The following RABEP1 variants were observed in gnomAD, a reference collection of about 807,000 sequenced individuals.
The protein encoded by RABEP1 is rabaptin, RAB GTPase binding effector protein 1.
Under a neutral mutation model 123.4 loss-of-function variants are expected in RABEP1, and 51 were observed. That is an observed-to-expected ratio of 0.41 (90% CI 0.33 to 0.52). The LOEUF (loss-of-function observed/expected upper bound fraction) is 0.52. RABEP1 is among the 20% of genes least tolerant of loss of function. The probability of loss-of-function intolerance (pLI) is 0.16; values close to 1 mark genes in which losing one functional copy is unlikely to be tolerated. For missense variants in RABEP1, 888 were observed against 996.3 expected (o/e 0.89, Z 1.46); for synonymous variants, 347 against 355.2 (o/e 0.98, Z 0.26).
chr17:5,318,865 G>A (rs1230079557), intron 2 of RABEP1, among the ~76,000 whole-genome samples: 2 of 152,132 alleles, frequency 1.3e-5, no homozygotes, highest in Non-Finnish European at 1.5e-5. Flanking sequence ...CTGCAGCCAC[G>A]TGGCATTTGT....
chr17:5,317,825 C>T (rs1459589658), intron 2 of RABEP1, among the ~76,000 whole-genome samples: 1 of 152,110 alleles, frequency 6.6e-6, no homozygotes, highest in East Asian at 1.9e-4. Context: ...CCCTACCTCC[C>T]AACCTCCAGG....
intron 2 of RABEP1, among the ~76,000 whole-genome samples, chr17:5,329,934 T>G (rs2144593428): frequency 6.6e-6 from 1 of 152,020 alleles, no homozygotes; most frequent in East Asian, 1.9e-4. Context: ...GGTATTTGTT[T>G]ACAGTTTTTC....
In RABEP1 at chr17:5,308,830, C is replaced by G. The variant is rs756959346; in HGVS notation, c.163+8C>G. On this transcript the variant is annotated splice_region_variant and intron_variant, in intron 2 of 17. Transcript: ENST00000537505. ...TATATTTGGCTAAAGAGGGTAAGTT[C>G]ATAAGTCTCGCACCAACTTCAATGC... 1 of 1,601,390 alleles carries G rather than the reference C, an allele frequency of 6.2e-7. No individual in the cohort carries two copies. Among genetic ancestry groups the G allele is most frequent in the African/African-American group, 1.3e-5 (1 of 74,412 alleles).
chr17:5,381,632 C>A (rs1360607218), intron 17 of RABEP1, 127 bp downstream of exon 17: 2 of 1,415,346 alleles, frequency 1.4e-6, no homozygotes, highest in Non-Finnish European at 1.9e-6. Flanking sequence ...ACCTCCACCC[C>A]AAATGTCTGA....
intron 1 of RABEP1, among the ~76,000 whole-genome samples, chr17:5,290,260 T>A (rs2075020400): frequency 1.3e-5 from 2 of 152,284 alleles, no homozygotes; most frequent in South Asian, 4.1e-4. Flanking sequence ...GCTAATTTTT[T>A]TGTATTTTTA....
chr17:5,386,122 A>AATT lies in RABEP1; in HGVS notation c.*2901_*2903dup, dbSNP rs1911940438. The AATT allele has an allele frequency of 9.8e-7, 1 of 1,018,924 alleles. No individual in the cohort carries two copies. Among genetic ancestry groups the AATT allele is most frequent in the African/African-American group, 1.6e-5 (1 of 60,668 alleles). The allele number at this position is 1,018,924 out of a possible 1,614,324, so 63.1% of individuals were successfully genotyped here. A position where few individuals can be genotyped will look rare whatever the true frequency, so the allele number is the denominator to read the frequency against. On this transcript the variant is annotated 3_prime_UTR_variant, in exon 18 of 18. Coordinates refer to ENST00000537505, the MANE Select transcript of RABEP1 (RefSeq NM_004703.6). ...AAGGTCATCAAAACACCTTTTTATA[A>AATT]ATTAGATAATTCTACCTGTTTTACA...
rs1383424981 is a variant in RABEP1 at position 5,365,258 on chromosome 17, C to G, written c.1785+20C>G. The G allele has an allele frequency of 3.3e-6, 5 of 1,505,410 alleles. No homozygotes were observed. The East Asian group carries it at 1.2e-4, about 35-fold the overall frequency. 93.3% of individuals were successfully genotyped at this position (1,505,410 alleles called of 1,614,324 possible). Reference sequence around the variant, plus strand: ...CACCAGGTAAGGGAGGGTTTATAGACTGTGGCCCATGAGGGATGACTGGGT... The same window carrying G: ...CACCAGGTAAGGGAGGGTTTATAGAGTGTGGCCCATGAGGGATGACTGGGT... On this transcript the variant is annotated intron_variant, in intron 11 of 17. Coordinates refer to ENST00000537505, the MANE Select transcript of RABEP1 (RefSeq NM_004703.6).
chr17:5,327,664 A>G (rs2144586550), intron 2 of RABEP1, among the ~76,000 whole-genome samples: 1 of 152,288 alleles, frequency 6.6e-6, no homozygotes, highest in South Asian at 2.1e-4. Flanking sequence ...ATTTTATAAT[A>G]ATTTTTGGTA....
At chr17:5,291,788 A>C (rs1177989196) in intron 1 of RABEP1, among the ~76,000 whole-genome samples, 1 of 152,168 alleles carries the variant, frequency 6.6e-6, no homozygotes, top group Non-Finnish European at 1.5e-5. Flanking sequence ...CTGTAATCCC[A>C]GCTACTCCAG....
rs1229358842 is a variant in RABEP1, at chr17:5,362,883, T to TATC, written c.1564-29_1564-28insATC. The TATC allele has an allele frequency of 2.0e-6, 3 of 1,465,400 alleles. No homozygotes were observed. In the African/African-American group the frequency reaches 4.2e-5, roughly 20 times the overall value. The allele number at this position is 1,465,400 out of a possible 1,614,324, so 90.8% of individuals were successfully genotyped here. On this transcript the variant is annotated intron_variant, in intron 9 of 17. Coordinates refer to ENST00000537505, the MANE Select transcript of RABEP1 (RefSeq NM_004703.6). ...GTGTGTGATGTAGAATTGTTTTGCC[T>TATC]GATAAGAGGTAATTTTGGTGCCCTT...
intron 12 of RABEP1, chr17:5,371,385 C>T (rs1910521982): frequency 6.6e-6 from 1 of 152,218 alleles, no homozygotes; most frequent in Admixed American, 6.5e-5. Context: ...TTTCCATTCC[C>T]TGTCCTTTTC....
intron 13 of RABEP1, among the ~76,000 whole-genome samples, chr17:5,374,627 T>A (rs185069900): frequency 1.3e-5 from 2 of 149,296 alleles, no homozygotes; most frequent in African/African-American, 5.1e-5. Flanking sequence ...TTTTATTTTT[T>A]TTATTATTTT....
intron 8 of RABEP1, among the ~76,000 whole-genome samples, chr17:5,360,688 C>T (rs1373030998): frequency 6.6e-6 from 1 of 152,220 alleles, no homozygotes; most frequent in African/African-American, 2.4e-5. Context: ...ACACACTCAT[C>T]CTACGTGTTC....
rs2075141269 is a variant in RABEP1, at chr17:5,302,216, G to A, written c.35-6478G>A. Among the ~76,000 whole-genome samples the A allele has an allele frequency of 2.7e-5, 4 of 150,544 alleles. No individual in the cohort carries two copies. The South Asian group carries it at 8.4e-4, about 32-fold the overall frequency. On this transcript the variant is annotated intron_variant, in intron 1 of 17. Coordinates refer to ENST00000537505, the MANE Select transcript of RABEP1 (RefSeq NM_004703.6). Reference sequence around the variant, plus strand: ...GAGCAGAACCAAAATCTCTAAGGGAGCAGATTTAGGGGAATGTTACTGAAA... The same window carrying A: ...GAGCAGAACCAAAATCTCTAAGGGAACAGATTTAGGGGAATGTTACTGAAA...
At chr17:5,303,236 A>G (rs1442091019) in intron 1 of RABEP1, among the ~76,000 whole-genome samples, 3 of 151,850 alleles carry the variant, frequency 2.0e-5, no homozygotes, top group Admixed American at 1.3e-4. Context: ...TAATAGTTTT[A>G]TTTTATTTTA....
chr17:5,306,772 A>G (rs1237929380), intron 1 of RABEP1, among the ~76,000 whole-genome samples: 1 of 151,998 alleles, frequency 6.6e-6, no homozygotes, highest in Non-Finnish European at 1.5e-5. Context: ...TTTTTTTGTT[A>G]CTCATTAAAT....
At chr17:5,364,710 CAAAAAAA>C (rs200314940) in intron 10 of RABEP1, among the ~76,000 whole-genome samples, 1 of 112,622 alleles carries the variant, frequency 8.9e-6, no homozygotes, top group African/African-American at 3.3e-5. Flanking sequence ...ACTCTTGTCT[CAAAAAAA>C]AAAAAAAAAA....
At chr17:5,326,894 C>G (rs758706183) in intron 2 of RABEP1, among the ~76,000 whole-genome samples, 1 of 152,110 alleles carries the variant, frequency 6.6e-6, no homozygotes, top group African/African-American at 2.4e-5. Flanking sequence ...TGTCCTTGTG[C>G]GAACGCGGAA....
chr17:5,301,726 A>G (rs776938392), intron 1 of RABEP1, among the ~76,000 whole-genome samples: 1 of 152,082 alleles, frequency 6.6e-6, no homozygotes, highest in Non-Finnish European at 1.5e-5. Context: ...CCAAGATTTC[A>G]GGTGATATAC....
Sources: allele counts gnomAD v4.1 joint callset (sites outside exome capture counted in the v4.1 genomes callset), GRCh38; gene constraint gnomAD v4.1.1; transcripts MANE v1.5; gene names NCBI Gene and HGNC (gene_info 2026-07-23, HGNC 2026-07-21).